Variants in TCOF1 observed in about 807,000 individuals in gnomAD.
The protein encoded by TCOF1 is treacle ribosome biogenesis factor 1, also known as treacle protein.
A neutral mutation model predicts 149.0 loss-of-function variants in TCOF1; 33 were observed. The ratio of observed to expected loss-of-function variants is 0.22; its 90% CI spans 0.17 to 0.30. The LOEUF (loss-of-function observed/expected upper bound fraction) is 0.30. Among genes scored for constraint, TCOF1 ranks in the 10% least tolerant of loss-of-function variants. The pLI is 1.00. For missense variants in TCOF1, 1,728 were observed against 1,840.7 expected, an observed-to-expected ratio of 0.94 and a Z score of 1.12; for synonymous variants, 789 against 738.8, an observed-to-expected ratio of 1.07 and a Z score of -1.10.
At chr5:150,377,201 T>C (rs1764012635) in intron 14 of TCOF1, among the ~76,000 whole-genome samples, 1 of 152,182 alleles carries the variant, frequency 6.6e-6, no homozygotes, top group South Asian at 2.1e-4. Context: ...TGTGGTGGGA[T>C]GGCTGGCAGT....
intron 10 of TCOF1, 74 bp downstream of exon 10, chr5:150,375,237 C>T (rs539566323): frequency 1.9e-6 from 3 of 1,610,876 alleles, no homozygotes; most frequent in Non-Finnish European, 2.5e-6. Context: ...CTTTTCCTCT[C>T]TGAACCTAGA....
At chr5:150,395,972 C>A (rs186941915) in intron 23 of TCOF1, among the ~76,000 whole-genome samples, 16 of 152,236 alleles carry the variant, frequency 1.1e-4, no homozygotes, top group Non-Finnish European at 2.2e-4. Context: ...ATTTTCATTC[C>A]ATTGATAGAT....
At chr5:150,398,920 G>GT in intron 25 of TCOF1, 102 bp from the exon 26 acceptor site, 1 of 1,547,622 alleles carries the variant, frequency 6.5e-7, no homozygotes, top group Non-Finnish European at 8.9e-7. Context: ...TGCAGACCCA[G>GT]TATCTATTCT....
At position 150,379,736 on chromosome 5, in the gene TCOF1, A is replaced by G; in HGVS notation, c.2859+4A>G. On this transcript the variant is annotated splice_donor_region_variant and intron_variant, in intron 17 of 26. Coordinates refer to ENST00000643257, the MANE Select transcript of TCOF1 (RefSeq NM_001371623.1). Reference sequence around the variant, plus strand: ...GGCAGCTGTGACCTCTGCCCAGGTAAGACTTGCCAGGCCTCTGAGCCACCA... The same window carrying G: ...GGCAGCTGTGACCTCTGCCCAGGTAGGACTTGCCAGGCCTCTGAGCCACCA... The G allele has an allele frequency of 1.2e-6, 2 of 1,613,600 alleles. No individual in the cohort carries two copies. The highest frequency in any genetic ancestry group is 1.7e-6 in the Non-Finnish European group (2 of 1,179,788).
chr5:150,384,487 G>A, intron 17 of TCOF1: 1 of 985,480 alleles, frequency 1.0e-6, no homozygotes, highest in South Asian at 4.7e-5. Context: ...CCTCTCCTGG[G>A]CTTGGGCATT....
chr5:150,380,036 C>A, intron 17 of TCOF1: 1 of 382,996 alleles, frequency 2.6e-6, no homozygotes. Context: ...CATGCCACTG[C>A]ACTCCAGCCT....
At chr5:150,398,273 T>TG (rs1263017915) in intron 24 of TCOF1, 81 bp from the exon 25 acceptor site, 2 of 1,600,538 alleles carry the variant, frequency 1.2e-6, no homozygotes, top group Non-Finnish European at 1.7e-6. Context: ...CTGGGAGCCC[T>TG]GCCCTGTGCA....
At chr5:150,385,745 G>A (rs1302874751) in intron 17 of TCOF1, among the ~76,000 whole-genome samples, 2 of 152,186 alleles carry the variant, frequency 1.3e-5, no homozygotes, top group African/African-American at 4.8e-5. Flanking sequence ...TGGTTCTGCA[G>A]GCATCAGACC....
At chr5:150,379,764 A>G (rs1290540006) in intron 17 of TCOF1, 32 bp downstream of exon 17, 2 of 1,608,212 alleles carry the variant, frequency 1.2e-6, no homozygotes, top group Admixed American at 1.7e-5. Context: ...AGCCACCAAC[A>G]CTCACTCCTC....
intron 11 of TCOF1, 78 bp downstream of exon 11, chr5:150,375,632 A>C (rs1016780973): frequency 3.1e-6 from 5 of 1,611,432 alleles, no homozygotes; most frequent in Non-Finnish European, 4.2e-6. Context: ...CCAACCTCAC[A>C]CTGGGACTCT....
chr5:150,393,332 G>C, intron 22 of TCOF1, 40 bp from the exon 23 acceptor site: 2 of 1,613,136 alleles, frequency 1.2e-6, no homozygotes, highest in Non-Finnish European at 1.7e-6. Context: ...TGGCAGTGGG[G>C]TGGGGTGGTG....
chr5:150,388,974 T>C (rs1766839386), intron 18 of TCOF1, among the ~76,000 whole-genome samples: 1 of 151,146 alleles, frequency 6.6e-6, no homozygotes, highest in East Asian at 2.0e-4. Flanking sequence ...GGCATGGTGG[T>C]TCGCACCTGT....
At chr5:150,372,308 G>A in intron 7 of TCOF1, 72 bp downstream of exon 7, 1 of 1,351,116 alleles carries the variant, frequency 7.4e-7, no homozygotes, top group Non-Finnish European at 1.0e-6. Context: ...TCTGCCATGA[G>A]CACCTCTGCC....
chr5:150,396,388 C>G lies in TCOF1; in HGVS notation c.3891C>G (p.Thr1297=). Reference sequence around the variant, plus strand: ...CCCTGGCGCTGCAAAGCAACATCACCCAGTGCCTCCTGGGCCAACCCTGGC... The same window carrying G: ...CCCTGGCGCTGCAAAGCAACATCACGCAGTGCCTCCTGGGCCAACCCTGGC... The part of the protein sequence containing the change: ...ASTLALQSNI[T]QCLLGQPWPL... The change falls in exon 24 of 27, where the codon ACC becomes ACG. Residue 1297 remains threonine (T), a synonymous_variant. Coordinates refer to ENST00000643257, the MANE Select transcript of TCOF1 (RefSeq NM_001371623.1). 6.2e-7 allele frequency: 1 copy of G among 1,614,046 alleles called. No homozygotes were observed. The highest frequency in any genetic ancestry group is 1.1e-5 in the South Asian group (1 of 91,084).
At chr5:150,376,824 G>A (rs1763916339) in intron 14 of TCOF1, among the ~76,000 whole-genome samples, 1 of 152,198 alleles carries the variant, frequency 6.6e-6, no homozygotes, top group African/African-American at 2.4e-5. Flanking sequence ...TGCCTTTTGA[G>A]GTCCTCCTGC....
At chr5:150,386,290 G>A (rs1415837997) in intron 17 of TCOF1, among the ~76,000 whole-genome samples, 1 of 152,150 alleles carries the variant, frequency 6.6e-6, no homozygotes, top group Non-Finnish European at 1.5e-5. Flanking sequence ...CAGTGGGTTC[G>A]TTGCTTCTCT....
intron 22 of TCOF1, chr5:150,393,010 G>C: frequency 1.6e-6 from 1 of 625,748 alleles, no homozygotes; most frequent in Non-Finnish European, 2.8e-6. Context: ...CTGACCCTTG[G>C]GGTCTGTAGA....
chr5:150,361,804 G>T (rs1201451269), intron 2 of TCOF1, among the ~76,000 whole-genome samples: 5 of 152,182 alleles, frequency 3.3e-5, no homozygotes, highest in African/African-American at 1.2e-4. Context: ...GAGTGTACCT[G>T]CCAGTGGAAA....
chr5:150,380,294 C>A, intron 17 of TCOF1: 3 of 168,182 alleles, frequency 1.8e-5, no homozygotes, highest in South Asian at 2.8e-4. Flanking sequence ...GTCGAGGTCT[C>A]CACCAGCTCT....
Sources: allele counts gnomAD v4.1 joint callset (sites outside exome capture counted in the v4.1 genomes callset), GRCh38; gene constraint gnomAD v4.1.1; transcripts MANE v1.5; gene names NCBI Gene and HGNC (gene_info 2026-07-23, HGNC 2026-07-21).